Variants in DAZAP1 observed in about 807,000 individuals in gnomAD.
DAZAP1 encodes DAZ associated protein 1, also known as DAZ-associated protein 1.
In DAZAP1, 6 loss-of-function variants were observed where a neutral mutation model predicts 60.1. The ratio of observed to expected loss-of-function variants is 0.10; its 90% CI spans 0.05 to 0.20. The LOEUF (loss-of-function observed/expected upper bound fraction) is 0.20, where lower values mean the gene tolerates loss of function less well. DAZAP1 is among the 10% of genes least tolerant of loss of function. The probability of loss-of-function intolerance (pLI) is 1.00; values close to 1 mark genes in which losing one functional copy is unlikely to be tolerated. For missense variants in DAZAP1, 366 were observed against 560.4 expected, an observed-to-expected ratio of 0.65 and a Z score of 3.50; for synonymous variants, 235 against 215.9, an observed-to-expected ratio of 1.09 and a Z score of -0.78.
chr19:1,424,360 C>G (rs1264015269), intron 6 of DAZAP1, among the ~76,000 whole-genome samples: 5 of 124,216 alleles, frequency 4.0e-5, no homozygotes, highest in Non-Finnish European at 8.8e-5. Flanking sequence ...CCCTCCCCCT[C>G]CCCCCTCCCC....
At chr19:1,410,367 A>T (rs1004862342) in intron 1 of DAZAP1, among the ~76,000 whole-genome samples, 7 of 152,064 alleles carry the variant, frequency 4.6e-5, no homozygotes, top group African/African-American at 1.7e-4. Context: ...GATGTGATGG[A>T]CAGTGTCCTC....
chr19:1,434,774 C>T lies in DAZAP1; in HGVS notation c.1086C>T (p.Gly362=). The change falls in exon 12 of 12, where the codon GGC becomes GGT. Residue 362 remains glycine, a synonymous_variant. Transcript: ENST00000233078. This position sits in a 1 kb window ranked among gnomAD's most constrained non-coding sequence, Gnocchi z 8.0. Reference sequence around the variant, plus strand: ...AGGACTTGAGTGGCTTCGGACAGGGCTTCTCAGACCCCAGCCAGCAGCCTC... The same window carrying T: ...AGGACTTGAGTGGCTTCGGACAGGGTTTCTCAGACCCCAGCCAGCAGCCTC... ...YGQDLSGFGQ[G]FSDPSQQPPS... 1 of 1,613,014 alleles carries T rather than the reference C, an allele frequency of 6.2e-7. No homozygotes were observed. Among genetic ancestry groups the T allele is most frequent in the Non-Finnish European group, 8.5e-7 (1 of 1,179,534 alleles).
At chr19:1,408,996 C>T (rs1000359887) in intron 1 of DAZAP1, among the ~76,000 whole-genome samples, 2 of 152,212 alleles carry the variant, frequency 1.3e-5, no homozygotes, top group African/African-American at 2.4e-5. Flanking sequence ...AGAGGGTTGC[C>T]TTGGCAGGCG....
At chr19:1,408,119 TG>T (rs910364727) in intron 1 of DAZAP1, among the ~76,000 whole-genome samples, 9 of 149,826 alleles carry the variant, frequency 6.0e-5, no homozygotes, top group African/African-American at 1.7e-4. Context: ...AACGGCAACC[TG>T]GGGGGGTGTC....
intron 1 of DAZAP1, among the ~76,000 whole-genome samples, chr19:1,414,399 A>C (rs139812962): frequency 3.3e-5 from 5 of 152,180 alleles, no homozygotes; most frequent in African/African-American, 1.2e-4. Context: ...TGAGATATCT[A>C]TTGTTTCCCA....
Position 1,425,647 on chromosome 19 carries a change from C to G in DAZAP1, c.464-231C>G, listed in dbSNP as rs1300489604. 6.6e-6 allele frequency among the ~76,000 whole-genome samples: 1 copy of G among 152,224 alleles called. No homozygotes were observed. The highest frequency in any genetic ancestry group is 1.5e-5 in the Non-Finnish European group (1 of 68,034). ...TGGGGCGGAGGCTTGACTCAGGCCT[C>G]AGTCAGCAGAGCCGTCACCGGGAGT... On this transcript the variant is annotated intron_variant, in intron 6 of 11. Transcript: ENST00000233078. The surrounding 1 kb of genome is among the most constrained non-coding windows in gnomAD (Gnocchi z 5.4).
chr19:1,419,171 C>T (rs1477172859), intron 4 of DAZAP1, among the ~76,000 whole-genome samples: 1 of 152,234 alleles, frequency 6.6e-6, no homozygotes, highest in Non-Finnish European at 1.5e-5. Context: ...GACCTGCGCC[C>T]TGGTGCTTGC....
intron 8 of DAZAP1, among the ~76,000 whole-genome samples, 200 bp from the exon 9 acceptor site, chr19:1,429,767 T>TTTAAGGCCTG (rs1490518059): frequency 1.3e-5 from 2 of 152,126 alleles, no homozygotes; most frequent in African/African-American, 4.8e-5. Flanking sequence ...GGAGAGTGGC[T>TTTAAGGCCTG]TTAAGGCCTG....
In DAZAP1 at chr19:1,430,722, GT is replaced by G. The variant is rs1171958291; in HGVS notation, c.871+376del. Reference sequence around the variant, plus strand: ...GTTTAAGGGTGTACAAGCTCTAATTGTTTTTTTTTTTTTTTTGAGATGGAGT... The same window carrying G: ...GTTTAAGGGTGTACAAGCTCTAATTGTTTTTTTTTTTTTTTGAGATGGAGT... On this transcript the variant is annotated intron_variant, in intron 10 of 11. Transcript: ENST00000233078. Among the ~76,000 whole-genome samples, 653 of 137,762 alleles carry G rather than the reference GT, an allele frequency of 4.7e-3. 3 individuals carry two copies. Among genetic ancestry groups the G allele is most frequent in the South Asian group, 0.017 (72 of 4,346 alleles). The allele number at this position is 137,762 out of a possible 152,430, so 90.4% of individuals were successfully genotyped here.
At position 1,433,025 on chromosome 19, in the gene DAZAP1, G is replaced by A. The variant is rs938428840; in HGVS notation, c.1048+335G>A. ...TCTAGAGGTTCAGGCCCTCGGTGTG[G>A]GTCCCGGGTGCACTGGCCCCTTGGT... is the stretch of plus-strand genomic sequence containing the variant. On this transcript the variant is annotated intron_variant, in intron 11 of 11. Transcript: ENST00000233078. The surrounding 1 kb of genome is among the most constrained non-coding windows in gnomAD (Gnocchi z 6.1). 9.9e-5 allele frequency: 27 copies of A among 272,256 alleles called. No homozygotes were observed. The Admixed American group carries it at 1.1e-3, about 11-fold the overall frequency. The allele number at this position is 272,256 out of a possible 1,614,324, so 16.9% of individuals were successfully genotyped here.
rs540727830 is a variant in DAZAP1 at position 1,422,229 on chromosome 19, C to G, written c.415-119C>G. The G allele has an allele frequency of 1.0e-5, 9 of 876,538 alleles. No homozygotes were observed. Among genetic ancestry groups the G allele is most frequent in the South Asian group, 8.9e-5 (6 of 67,752 alleles). 54.3% of individuals were successfully genotyped at this position (876,538 alleles called of 1,614,324 possible). A position where few individuals can be genotyped will look rare whatever the true frequency, so the allele number is the denominator to read the frequency against. On this transcript the variant is annotated intron_variant, in intron 5 of 11. Transcript: ENST00000233078. The surrounding 1 kb of genome is among the most constrained non-coding windows in gnomAD (Gnocchi z 4.5). Reference sequence around the variant, plus strand: ...GCAGCTGTTGCCCGTGCACCTCCCCCGCTCAGGGAGGGCGCACCCTGTGCG... The same window carrying G: ...GCAGCTGTTGCCCGTGCACCTCCCCGGCTCAGGGAGGGCGCACCCTGTGCG...
In DAZAP1 at chr19:1,434,654, G is replaced by C; in HGVS notation, c.1049-83G>C. The C allele has an allele frequency of 2.0e-6, 3 of 1,476,018 alleles. No homozygotes were observed. The South Asian group carries it at 3.6e-5, about 18-fold the overall frequency. The allele number at this position is 1,476,018 out of a possible 1,614,324, so 91.4% of individuals were successfully genotyped here. ...CCCGTGGACTCAAGGCAGGCTCGGC[G>C]GAGCTGTGTCCAGGTGGCCTCGCTC... On this transcript the variant is annotated intron_variant, in intron 11 of 11. Transcript: ENST00000233078. The surrounding 1 kb of genome is among the most constrained non-coding windows in gnomAD (Gnocchi z 8.0).
intron 1 of DAZAP1, among the ~76,000 whole-genome samples, chr19:1,408,159 C>G (rs934383421): frequency 2.0e-5 from 3 of 151,588 alleles, no homozygotes; most frequent in Admixed American, 1.3e-4. Flanking sequence ...CGCTTCCCGA[C>G]TGCGCGTCCT....
At chr19:1,414,692 C>G (rs903198524) in intron 1 of DAZAP1, among the ~76,000 whole-genome samples, 5 of 151,542 alleles carry the variant, frequency 3.3e-5, no homozygotes, top group Admixed American at 3.3e-4. Context: ...GCTGAGATCG[C>G]GCCACTACAC....
Position 1,434,758 on chromosome 19 carries a change from G to C in DAZAP1, c.1070G>C (p.Ser357Thr), listed in dbSNP as rs778693980. ...CCAGCAGGTTACGGGCAGGACTTGA[G>C]TGGCTTCGGACAGGGCTTCTCAGAC... The part of the protein sequence containing the change: ...GQYAGYGQDL[S>T]GFGQGFSDPS... Residue 357 changes from serine (S) to threonine (T), a missense_variant, in exon 12 of 12, where the codon AGT becomes ACT. Transcript: ENST00000233078. The surrounding 1 kb of genome is among the most constrained non-coding windows in gnomAD (Gnocchi z 8.0). The C allele has an allele frequency of 1.6e-5, 25 of 1,612,822 alleles. No individual in the cohort carries two copies. In the South Asian group the frequency reaches 2.0e-4, roughly 13 times the overall value.
At position 1,433,907 on chromosome 19, in the gene DAZAP1, CG is replaced by C; in HGVS notation, c.1049-825del. Reference sequence around the variant, plus strand: ...ACGTGGCTTCCTCTGCCGTCCCGGGCGGGGGTGGACGCTGGCGGTGCCCTCT... The same window carrying C: ...ACGTGGCTTCCTCTGCCGTCCCGGGCGGGGTGGACGCTGGCGGTGCCCTCT... On this transcript the variant is annotated intron_variant, in intron 11 of 11. Transcript: ENST00000233078. This position sits in a 1 kb window ranked among gnomAD's most constrained non-coding sequence, Gnocchi z 6.1. The C allele has an allele frequency of 7.6e-7, 1 of 1,307,580 alleles. No homozygotes were observed. The highest frequency in any genetic ancestry group is 1.1e-6 in the Non-Finnish European group (1 of 910,846). The allele number at this position is 1,307,580 out of a possible 1,614,324, so 81.0% of individuals were successfully genotyped here. A position where few individuals can be genotyped will look rare whatever the true frequency, so the allele number is the denominator to read the frequency against.
chr19:1,411,683 G>A (rs999022437), intron 1 of DAZAP1, among the ~76,000 whole-genome samples: 3 of 152,224 alleles, frequency 2.0e-5, no homozygotes, highest in African/African-American at 7.2e-5. Flanking sequence ...TGTGCTTGTA[G>A]CCTTGGCTCT....
At position 1,433,535 on chromosome 19, in the gene DAZAP1, T is replaced by G; in HGVS notation, c.1048+845T>G. The G allele has an allele frequency of 3.8e-6, 2 of 529,686 alleles. No individual in the cohort carries two copies. Among genetic ancestry groups the G allele is most frequent in the Non-Finnish European group, 6.9e-6 (2 of 291,824 alleles). The allele number at this position is 529,686 out of a possible 1,614,324, so 32.8% of individuals were successfully genotyped here. A position where few individuals can be genotyped will look rare whatever the true frequency, so the allele number is the denominator to read the frequency against. On this transcript the variant is annotated intron_variant, in intron 11 of 11. Transcript: ENST00000233078. The surrounding 1 kb of genome is among the most constrained non-coding windows in gnomAD (Gnocchi z 6.1). ...GAGGTGCCCGCCCACCCACCTCGCA[T>G]GGCTGTGGTTCCCCTGCCCCCACGC...
At position 1,419,302 on chromosome 19, in the gene DAZAP1, C is replaced by T. The variant is rs184904214; in HGVS notation, c.303+571C>T. On this transcript the variant is annotated intron_variant, in intron 4 of 11. Transcript: ENST00000233078. ...CACCGGCACCAGGAGCCTGGTGGGG[C>T]GGTGCAGATGGGAAAGCTCTTAGCC... 3.3e-3 allele frequency among the ~76,000 whole-genome samples: 501 copies of T among 152,340 alleles called. 3 individuals are homozygous for T. The highest frequency in any genetic ancestry group is 5.6e-3 in the Non-Finnish European group (380 of 68,030).
Sources: gnomAD v4.1 joint callset for allele counts (sites outside exome capture counted in the v4.1 genomes callset) on GRCh38, gnomAD v4.1.1 for gene constraint, Gnocchi (gnomAD v3.1) non-coding constraint, MANE v1.5 for transcripts, NCBI Gene and HGNC (gene_info 2026-07-23, HGNC 2026-07-21) for gene names.